Variants in RAB3C observed in about 807,000 individuals in gnomAD.
RAB3C encodes the protein ras-related protein Rab-3C.
Under a neutral mutation model 26.4 loss-of-function variants are expected in RAB3C, and 17 were observed. The observed-to-expected ratio is 0.64, with a 90% CI of 0.44 to 0.97. The LOEUF is 0.97. RAB3C is among the 50% of genes least tolerant of loss of function. RAB3C has a pLI of 0.00. For synonymous variants in RAB3C, 91 were observed against 95.9 expected, an observed-to-expected ratio of 0.95 and a Z score of 0.30; for missense variants, 242 against 281.9, an observed-to-expected ratio of 0.86 and a Z score of 1.01.
intron 4 of RAB3C, among the ~76,000 whole-genome samples, chr5:58,825,644 C>T (rs1470719874): frequency 3.9e-5 from 6 of 152,126 alleles, no homozygotes; most frequent in African/African-American, 1.4e-4. Flanking sequence ...CTTAGTCACC[C>T]CATCTCTCCA....
chr5:58,699,134 T>C (rs1748784112), intron 2 of RAB3C, among the ~76,000 whole-genome samples: 1 of 152,174 alleles, frequency 6.6e-6, no homozygotes, highest in African/African-American at 2.4e-5. Flanking sequence ...TTTTTGTTGA[T>C]GTCGATGCTA....
In RAB3C at chr5:58,846,724, A is replaced by T. The variant is rs368166347; in HGVS notation, c.497-4440A>T. Among the ~76,000 whole-genome samples the T allele has an allele frequency of 5.3e-5, 8 of 152,000 alleles. No individual in the cohort carries two copies. In the South Asian group the frequency reaches 8.3e-4, roughly 16 times the overall value. The stretch of plus-strand genomic sequence containing the variant: ...TGAGGGTGAACCTCCAATCCTATGA[A>T]GTCAGGGTGTAGAATCACAGCCGTT... On this transcript the variant is annotated intron_variant, in intron 4 of 4. Transcript: ENST00000282878.
chr5:58,652,828 C>A (rs1747687693), intron 2 of RAB3C, among the ~76,000 whole-genome samples: 1 of 152,032 alleles, frequency 6.6e-6, no homozygotes, highest in Non-Finnish European at 1.5e-5. Flanking sequence ...GATACTATTT[C>A]TCTCCATATT....
At chr5:58,673,436 C>T (rs984381290) in intron 2 of RAB3C, among the ~76,000 whole-genome samples, 17 of 142,432 alleles carry the variant, frequency 1.2e-4, no homozygotes, top group Admixed American at 2.9e-4. Flanking sequence ...TTCTTCTCAA[C>T]GAACTAGTTA....
At chr5:58,850,979 G>A (rs147171140) in intron 4 of RAB3C, among the ~76,000 whole-genome samples, 185 bp from the exon 5 acceptor site, 19 of 152,140 alleles carry the variant, frequency 1.2e-4, no homozygotes, top group African/African-American at 4.6e-4. Context: ...ATGGTTAATG[G>A]AGTAAGAGAT....
At chr5:58,828,790 G>A (rs990677916) in intron 4 of RAB3C, among the ~76,000 whole-genome samples, 8 of 151,960 alleles carry the variant, frequency 5.3e-5, no homozygotes, top group African/African-American at 9.7e-5. Context: ...ACTTTTATAC[G>A]ACTAAATTTC....
chr5:58,666,497 A>G (rs1748004978), intron 2 of RAB3C, among the ~76,000 whole-genome samples: 1 of 152,216 alleles, frequency 6.6e-6, no homozygotes, highest in African/African-American at 2.4e-5. Flanking sequence ...GTATTTGTTA[A>G]AATTCAAGAT....
chr5:58,826,170 GC>G (rs1339601397), intron 4 of RAB3C, among the ~76,000 whole-genome samples: 1 of 152,050 alleles, frequency 6.6e-6, no homozygotes, highest in Non-Finnish European at 1.5e-5. Flanking sequence ...TGCAGAGAGG[GC>G]CCCCGGGGAG....
rs147366143 is a variant in RAB3C, at chr5:58,713,400, C to G, written c.253-12602C>G. ...TTAGCTTAAGGAATTTTAAACACGA[C>G]GTTAATCAAACAGGCCACTTCTGTG... On this transcript the variant is annotated intron_variant, in intron 2 of 4. Coordinates refer to ENST00000282878, the MANE Select transcript of RAB3C (RefSeq NM_138453.4). Among the ~76,000 whole-genome samples, 993 of 152,240 alleles carry G rather than the reference C, an allele frequency of 6.5e-3. 9 individuals carry two copies. Among genetic ancestry groups the G allele is most frequent in the African/African-American group, 0.022 (934 of 41,544 alleles).
chr5:58,629,817 T>C (rs1199285266), intron 2 of RAB3C, among the ~76,000 whole-genome samples: 1 of 152,220 alleles, frequency 6.6e-6, no homozygotes, highest in African/African-American at 2.4e-5. Context: ...CTGTCAGTGA[T>C]TAATCAAGTC....
At chr5:58,663,287 G>C (rs1297495906) in intron 2 of RAB3C, among the ~76,000 whole-genome samples, 1 of 149,576 alleles carries the variant, frequency 6.7e-6, no homozygotes, top group African/African-American at 2.6e-5. Flanking sequence ...TATATGTAAA[G>C]ATAAGGCTTT....
chr5:58,736,214 G>A, intron 3 of RAB3C, among the ~76,000 whole-genome samples: 1 of 152,152 alleles, frequency 6.6e-6, no homozygotes, highest in Non-Finnish European at 1.5e-5. Flanking sequence ...CCATGGTCTA[G>A]GCCCCATCTT....
chr5:58,586,185 A>G (rs1746003456), intron 1 of RAB3C, among the ~76,000 whole-genome samples: 1 of 152,106 alleles, frequency 6.6e-6, no homozygotes, highest in Non-Finnish European at 1.5e-5. Context: ...ATCTATGGAT[A>G]TATTTTACAA....
chr5:58,787,484 G>T (rs780055474), intron 3 of RAB3C, among the ~76,000 whole-genome samples: 1 of 152,126 alleles, frequency 6.6e-6, no homozygotes, highest in African/African-American at 2.4e-5. Flanking sequence ...CTTTCTAGAA[G>T]AATGTGTTTT....
At chr5:58,733,825 G>T (rs778842583) in intron 3 of RAB3C, among the ~76,000 whole-genome samples, 3 of 152,080 alleles carry the variant, frequency 2.0e-5, no homozygotes, top group Non-Finnish European at 2.9e-5. Context: ...TGTGGCTCAG[G>T]GTCTGCACCT....
intron 3 of RAB3C, among the ~76,000 whole-genome samples, chr5:58,735,244 G>T (rs996659581): frequency 1.3e-5 from 2 of 152,206 alleles, no homozygotes; most frequent in Non-Finnish European, 2.9e-5. Context: ...CTTGTTTACA[G>T]TGTGAGCAGG....
intron 3 of RAB3C, among the ~76,000 whole-genome samples, chr5:58,778,941 C>T (rs151207008): frequency 1.9e-3 from 287 of 152,230 alleles, no homozygotes; most frequent in African/African-American, 6.6e-3. Context: ...TTAATAATAG[C>T]GTCATTCTCC....
chr5:58,853,756 G>A lies in RAB3C; in HGVS notation c.*2405G>A, dbSNP rs295676. Reference sequence around the variant, plus strand: ...AATTTCTAAACCCCAATGGAAGTGAGGCCTTTTTCATTGATTCTCAGTTCT... The same window carrying A: ...AATTTCTAAACCCCAATGGAAGTGAAGCCTTTTTCATTGATTCTCAGTTCT... On this transcript the variant is annotated 3_prime_UTR_variant, in exon 5 of 5. Coordinates refer to ENST00000282878, the MANE Select transcript of RAB3C (RefSeq NM_138453.4). The A allele has an allele frequency of 0.78, 118,049 of 152,022 alleles. 46,455 individuals carry two copies. The highest frequency in any genetic ancestry group is 0.93 in the Middle Eastern group (273 of 294). 9.4% of individuals were successfully genotyped at this position (152,022 alleles called of 1,614,324 possible). A position where few individuals can be genotyped will look rare whatever the true frequency, so the allele number is the denominator to read the frequency against.
chr5:58,779,742 A>AGAT (rs1638633440), intron 3 of RAB3C, among the ~76,000 whole-genome samples: 1 of 152,140 alleles, frequency 6.6e-6, no homozygotes, highest in African/African-American at 2.4e-5. Context: ...GAACACTGGT[A>AGAT]GATGGTCTTT....
Sources: gnomAD v4.1 joint callset for allele counts (sites outside exome capture counted in the v4.1 genomes callset) on GRCh38, gnomAD v4.1.1 for gene constraint, MANE v1.5 for transcripts, NCBI Gene and HGNC (gene_info 2026-07-23, HGNC 2026-07-21) for gene names.